STPG2: variants seen among roughly 807,000 people sequenced by gnomAD.
The protein encoded by STPG2 is sperm tail PG-rich repeat containing 2.
Under a neutral mutation model 54.2 loss-of-function variants are expected in STPG2, and 56 were observed. That is an observed-to-expected ratio of 1.03 (90% CI 0.83 to 1.29). The LOEUF (loss-of-function observed/expected upper bound fraction) is 1.29. Ranked by LOEUF, STPG2 falls within the 50% of genes most tolerant of loss-of-function variation. The probability of loss-of-function intolerance (pLI) is 0.00; values close to 1 mark genes in which losing one functional copy is unlikely to be tolerated. For missense variants in STPG2, 596 were observed against 544.9 expected, an observed-to-expected ratio of 1.09 and a Z score of -0.93; for synonymous variants, 200 against 181.8, an observed-to-expected ratio of 1.10 and a Z score of -0.81.
intron 8 of STPG2, among the ~76,000 whole-genome samples, chr4:97,912,790 C>T (rs752685487): frequency 5.3e-5 from 8 of 152,144 alleles, no homozygotes; most frequent in South Asian, 2.1e-4. Context: ...CTAGGAGATG[C>T]CATGCATTGG....
chr4:97,729,063 TTC>T (rs57186071), intron 9 of STPG2, among the ~76,000 whole-genome samples: 5,050 of 124,826 alleles, frequency 0.04, 145 homozygotes, highest in African/African-American at 0.066. Flanking sequence ...CCCCAAGAAT[TTC>T]TCTCTCTCTC....
At chr4:97,811,559 A>G (rs546536103) in intron 9 of STPG2, among the ~76,000 whole-genome samples, 34 of 152,146 alleles carry the variant, frequency 2.2e-4, no homozygotes, top group African/African-American at 7.7e-4. Flanking sequence ...AAAATGTTAT[A>G]TAAGTGGTTG....
intron 5 of STPG2, chr4:98,048,771 T>A (rs1737222432): frequency 1.3e-5 from 2 of 155,846 alleles, no homozygotes; most frequent in African/African-American, 4.8e-5. Context: ...CATCCAGATA[T>A]GTCTTGCATG....
chr4:98,130,141 C>T lies in STPG2; in HGVS notation c.223-1549G>A, dbSNP rs534143689. 2.4e-3 allele frequency among the ~76,000 whole-genome samples: 369 copies of T among 151,250 alleles called. 1 individual carries two copies. The highest frequency in any genetic ancestry group is 3.8e-3 in the Non-Finnish European group (256 of 67,836). On this transcript the variant is annotated intron_variant, in intron 2 of 10. Transcript: ENST00000295268. ...TCCCAAACTGCTGGGATCACAGGCA[C>T]GAGCCACCGTGCCCAGTCGTTTTTC...
chr4:97,802,693 A>T lies in STPG2; in HGVS notation c.1204+38080T>A, dbSNP rs562617032. ...ACCATGTTGGCCAGGCTGGTCTCAA[A>T]CTCCTGACCTCAGTTTATCCACGCA... On this transcript the variant is annotated intron_variant, in intron 9 of 10. Coordinates refer to ENST00000295268, the MANE Select transcript of STPG2 (RefSeq NM_174952.3). Among the ~76,000 whole-genome samples the T allele has an allele frequency of 5.9e-5, 9 of 151,950 alleles. No homozygotes were observed. In the South Asian group the frequency reaches 1.9e-3, roughly 32 times the overall value.
intron 5 of STPG2, among the ~76,000 whole-genome samples, chr4:97,985,389 CA>C (rs1405948539): frequency 6.6e-6 from 1 of 152,052 alleles, no homozygotes; most frequent in Non-Finnish European, 1.5e-5. Context: ...AATATGCATC[CA>C]GGGGTAAGGG....
intron 4 of STPG2, among the ~76,000 whole-genome samples, chr4:97,552,346 T>C (rs1305288017): frequency 1.3e-5 from 2 of 152,054 alleles, no homozygotes; most frequent in Non-Finnish European, 2.9e-5. Flanking sequence ...GCCAAAAAAG[T>C]GTTTATAAAA....
rs1204890721 is a variant in STPG2 at position 97,451,627 on chromosome 4, T to C, written c.462+261072A>G. ...ATGTGCCAGAAAATACAGAAGGAAA[T>C]AAGATCTAAAGTATATTTGGAGGTA... On this transcript the variant is annotated intron_variant, in intron 4 of 4. Transcript: ENST00000522676. 8.6e-5 allele frequency among the ~76,000 whole-genome samples: 13 copies of C among 151,818 alleles called. 1 individual carries two copies. The East Asian group carries it at 2.5e-3, about 29-fold the overall frequency.
chr4:97,751,268 T>C (rs185988948), intron 9 of STPG2, among the ~76,000 whole-genome samples: 39 of 151,976 alleles, frequency 2.6e-4, no homozygotes, highest in African/African-American at 8.9e-4. Flanking sequence ...TCCTTTTTGC[T>C]GATTTTAGTC....
At chr4:98,117,638 C>A (rs756522313) in intron 3 of STPG2, among the ~76,000 whole-genome samples, 1 of 152,046 alleles carries the variant, frequency 6.6e-6, no homozygotes, top group Non-Finnish European at 1.5e-5. Flanking sequence ...GTTCATCAGA[C>A]TGCATAATAT....
intron 9 of STPG2, among the ~76,000 whole-genome samples, chr4:97,798,586 A>G (rs1458921926): frequency 6.7e-6 from 1 of 148,642 alleles, no homozygotes; most frequent in African/African-American, 2.5e-5. Flanking sequence ...ATTTGCTGAG[A>G]AGTGCTTTAC....
intron 7 of STPG2, among the ~76,000 whole-genome samples, chr4:97,948,495 A>T (rs769330788): frequency 9.9e-5 from 15 of 151,826 alleles, no homozygotes; most frequent in Non-Finnish European, 2.1e-4. Context: ...TTATTCTTTG[A>T]GGTGTTACAT....
At chr4:97,915,295 G>C (rs1037071158) in intron 8 of STPG2, among the ~76,000 whole-genome samples, 1 of 152,138 alleles carries the variant, frequency 6.6e-6, no homozygotes, top group Non-Finnish European at 1.5e-5. Context: ...TTTACTAATT[G>C]CTTGCCATGT....
chr4:98,130,939 A>T (rs982055854), intron 2 of STPG2, among the ~76,000 whole-genome samples: 11 of 126,206 alleles, frequency 8.7e-5, no homozygotes, highest in African/African-American at 3.4e-4. Context: ...AAAAAAAAAA[A>T]CAAAAAAAAA....
chr4:97,797,842 T>C (rs1259649264), intron 9 of STPG2, among the ~76,000 whole-genome samples: 3 of 152,200 alleles, frequency 2.0e-5, no homozygotes, highest in African/African-American at 7.2e-5. Context: ...TGGTAGGCTA[T>C]TAATTATTGC....
chr4:97,685,653 T>C (rs555015108), intron 10 of STPG2, among the ~76,000 whole-genome samples: 29 of 152,294 alleles, frequency 1.9e-4, no homozygotes, highest in South Asian at 4.1e-4. Flanking sequence ...TAGAAACCCA[T>C]AGAACTCTAC....
intron 8 of STPG2, among the ~76,000 whole-genome samples, chr4:97,875,435 C>G (rs201332616): frequency 1.1e-5 from 1 of 87,480 alleles, no homozygotes; most frequent in Admixed American, 1.1e-4. Flanking sequence ...GGAAAAAAAA[C>G]ACACTGGGAA....
chr4:97,610,868 G>A (rs1233578281), intron 10 of STPG2, among the ~76,000 whole-genome samples: 6 of 152,122 alleles, frequency 3.9e-5, no homozygotes, highest in South Asian at 4.1e-4. Flanking sequence ...GTGCAACTGC[G>A]TTGTGAGAAT....
chr4:97,762,146 T>C (rs1256569592), intron 9 of STPG2, among the ~76,000 whole-genome samples: 3 of 152,194 alleles, frequency 2.0e-5, no homozygotes, highest in Non-Finnish European at 4.4e-5. Flanking sequence ...TGTCAAACAA[T>C]ACTTTTAAAA....
Sources: allele counts gnomAD v4.1 joint callset (sites outside exome capture counted in the v4.1 genomes callset), GRCh38; gene constraint gnomAD v4.1.1; transcripts MANE v1.5; gene names NCBI Gene and HGNC (gene_info 2026-07-23, HGNC 2026-07-21).